The following INPP4A variants were observed in gnomAD, a reference collection of about 807,000 sequenced individuals.
The protein encoded by INPP4A is inositol polyphosphate-4-phosphatase type I A, also known as inositol polyphosphate-4-phosphatase, type I, 107kD.
INPP4A carries 33 observed loss-of-function variants against 119.8 expected under a neutral mutation model. The observed-to-expected ratio is 0.28, with a 90% CI of 0.21 to 0.37. The LOEUF is 0.37. INPP4A is among the 10% of genes least tolerant of loss of function. The pLI is 1.00. For synonymous variants in INPP4A, 496 were observed against 500.7 expected (o/e 0.99, Z 0.12); for missense variants, 956 against 1,289.9 (o/e 0.74, Z 3.97).
At position 98,502,707 on chromosome 2, in the gene INPP4A, A is replaced by G. The variant is rs539880143; in HGVS notation, c.-165-16257A>G. ...AAACAGCACCACAACCAGATTAGGA[A>G]TCTTTCTGGAACAAAGGGAAAATAG... On this transcript the variant is annotated intron_variant, in intron 1 of 24. Coordinates refer to ENST00000409851, the MANE Select transcript of INPP4A (RefSeq NM_001134225.2). Among the ~76,000 whole-genome samples the G allele has an allele frequency of 2.4e-4, 37 of 152,340 alleles. No homozygotes were observed. The South Asian group carries it at 7.7e-3, about 32-fold the overall frequency.
chr2:98,546,717 T>A lies in INPP4A; in HGVS notation c.1163+23T>A. 1 of 1,413,022 alleles carries A rather than the reference T, an allele frequency of 7.1e-7. No individual in the cohort carries two copies. Among genetic ancestry groups the A allele is most frequent in the Non-Finnish European group, 1.0e-6 (1 of 996,672 alleles). 87.5% of individuals were successfully genotyped at this position (1,413,022 alleles called of 1,614,324 possible). A position where few individuals can be genotyped will look rare whatever the true frequency, so the allele number is the denominator to read the frequency against. ...ACAGTAAGTAGCCAGAGAGGGTTTG[T>A]GGTCCTTGTACAGCTTTCTGATGCT... is the stretch of plus-strand genomic sequence containing the variant. On this transcript the variant is annotated intron_variant, in intron 13 of 24. Coordinates refer to ENST00000409851, the MANE Select transcript of INPP4A (RefSeq NM_001134225.2). The surrounding 1 kb of genome is among the most constrained non-coding windows in gnomAD (Gnocchi z 4.2).
chr2:98,541,333 A>G (rs1230932325), intron 10 of INPP4A, among the ~76,000 whole-genome samples: 3 of 152,140 alleles, frequency 2.0e-5, no homozygotes, highest in Non-Finnish European at 4.4e-5. Flanking sequence ...TCTCAAAAAA[A>G]AAAAAAAAAT....
chr2:98,549,011 G>C (rs771875437), intron 13 of INPP4A: 1 of 1,598,592 alleles, frequency 6.3e-7, no homozygotes, highest in Admixed American at 1.7e-5. Context: ...TTTGGGTCTC[G>C]TCCTCATGCA....
At position 98,549,753 on chromosome 2, in the gene INPP4A, C is replaced by T. The variant is rs143491408; in HGVS notation, c.1164-3033C>T. Among the ~76,000 whole-genome samples the T allele has an allele frequency of 7.0e-3, 1,066 of 152,124 alleles. 12 individuals are homozygous for T. The highest frequency in any genetic ancestry group is 0.025 in the African/African-American group (1,020 of 41,510). ...AGGAGGAAGCACTGAGGACATTCCC[C>T]GATGTCCAGGCTGAGGCCTCTCAAC... On this transcript the variant is annotated intron_variant, in intron 13 of 24. Transcript: ENST00000409851.
intron 14 of INPP4A, 143 bp downstream of exon 14, chr2:98,553,112 G>A (rs763541405): frequency 5.4e-5 from 37 of 689,654 alleles, no homozygotes; most frequent in East Asian, 2.7e-4. Flanking sequence ...GGTCCATTTC[G>A]CACAAAGGCC....
intron 1 of INPP4A, among the ~76,000 whole-genome samples, chr2:98,465,856 C>T (rs1674646502): frequency 6.6e-6 from 1 of 152,150 alleles, no homozygotes; most frequent in Admixed American, 6.5e-5. Context: ...GGTTTCGGCG[C>T]AGTACTTGAG....
chr2:98,481,686 A>G (rs1472416781), intron 1 of INPP4A, among the ~76,000 whole-genome samples: 3 of 152,290 alleles, frequency 2.0e-5, no homozygotes, highest in South Asian at 2.1e-4. Flanking sequence ...GCTTTGTACC[A>G]GGGGAGAATT....
At chr2:98,580,115 C>T (rs1278651461) in intron 24 of INPP4A, among the ~76,000 whole-genome samples, 2 of 152,238 alleles carry the variant, frequency 1.3e-5, no homozygotes, top group African/African-American at 2.4e-5. Context: ...GCTGGGGTGC[C>T]GAGTACCTGC....
chr2:98,482,532 G>A (rs1276814529), intron 1 of INPP4A, among the ~76,000 whole-genome samples: 2 of 152,240 alleles, frequency 1.3e-5, no homozygotes, highest in Admixed American at 6.5e-5. Flanking sequence ...GTCCTGGAAA[G>A]CAGAGAGGGG....
chr2:98,455,538 T>C (rs1000813964), intron 1 of INPP4A, among the ~76,000 whole-genome samples: 11 of 152,100 alleles, frequency 7.2e-5, no homozygotes, highest in African/African-American at 2.7e-4. Flanking sequence ...GGTGAAGTCA[T>C]GCCTGAATCT....
intron 1 of INPP4A, among the ~76,000 whole-genome samples, chr2:98,461,270 A>G (rs1462594307): frequency 6.6e-6 from 1 of 152,232 alleles, no homozygotes; most frequent in Non-Finnish European, 1.5e-5. Context: ...GTGACATGGC[A>G]GAGGAGGCAA....
At chr2:98,487,255 G>A (rs190529197) in intron 1 of INPP4A, among the ~76,000 whole-genome samples, 17 of 152,152 alleles carry the variant, frequency 1.1e-4, no homozygotes, top group Admixed American at 1.1e-3. Context: ...GTCTTTTTCT[G>A]TTCTGGGATT....
At chr2:98,538,673 AAC>A (rs1482739434) in intron 8 of INPP4A, among the ~76,000 whole-genome samples, 1 of 152,242 alleles carries the variant, frequency 6.6e-6, no homozygotes, top group Non-Finnish European at 1.5e-5. Context: ...GTGACTGAGA[AAC>A]CATGCATGCC....
At chr2:98,547,272 G>T (rs1202062035) in intron 13 of INPP4A, among the ~76,000 whole-genome samples, 1 of 152,230 alleles carries the variant, frequency 6.6e-6, no homozygotes, top group African/African-American at 2.4e-5. Flanking sequence ...CCTGCTCTGT[G>T]ACCAGAGTTA....
chr2:98,538,845 A>G (rs370992640), intron 8 of INPP4A, 46 bp from the exon 9 acceptor site: 40 of 1,124,476 alleles, frequency 3.6e-5, no homozygotes, highest in Non-Finnish European at 5.2e-5. Context: ...TTCTGGAGTC[A>G]TCTGAATCTC....
rs1237892534 is a variant in INPP4A at position 98,566,742 on chromosome 2, T to TGTGTGCCTGTGTGTGCAC, written c.2420+587_2420+604dup. Among the ~76,000 whole-genome samples, 4 of 152,074 alleles carry TGTGTGCCTGTGTGTGCAC rather than the reference T, an allele frequency of 2.6e-5. No individual in the cohort carries two copies. Among genetic ancestry groups the TGTGTGCCTGTGTGTGCAC allele is most frequent in the Non-Finnish European group, 5.9e-5 (4 of 68,010 alleles). On this transcript the variant is annotated intron_variant, in intron 21 of 24. Transcript: ENST00000409851. This position sits in a 1 kb window ranked among gnomAD's most constrained non-coding sequence, Gnocchi z 4.2. ...CTTGCCACACTGCAGAGGGGAGTTG[T>TGTGTGCCTGTGTGTGCAC]GTGTGCCTGTGTGTGCACGTGTGCC...
intron 1 of INPP4A, among the ~76,000 whole-genome samples, chr2:98,504,333 A>G (rs1260442508): frequency 6.6e-6 from 1 of 152,242 alleles, no homozygotes; most frequent in African/African-American, 2.4e-5. Flanking sequence ...TGTTCACCCC[A>G]ACACTGAATG....
At chr2:98,512,601 C>T (rs974843396) in intron 1 of INPP4A, among the ~76,000 whole-genome samples, 18 of 152,188 alleles carry the variant, frequency 1.2e-4, no homozygotes, top group African/African-American at 3.9e-4. Context: ...GCTAAACTCC[C>T]GATTTATCGG....
chr2:98,572,601 T>G (rs899561982), intron 22 of INPP4A, among the ~76,000 whole-genome samples: 1 of 152,232 alleles, frequency 6.6e-6, no homozygotes, highest in African/African-American at 2.4e-5. Context: ...TGAAGGGAGA[T>G]GAAGGAAATG....
Sources: gnomAD v4.1 joint callset for allele counts (sites outside exome capture counted in the v4.1 genomes callset) on GRCh38, gnomAD v4.1.1 for gene constraint, Gnocchi (gnomAD v3.1) non-coding constraint, MANE v1.5 for transcripts, NCBI Gene and HGNC (gene_info 2026-07-23, HGNC 2026-07-21) for gene names.